STIL: variants seen among roughly 807,000 people sequenced by gnomAD.
STIL encodes the protein SCL-interrupting locus protein.
A neutral mutation model predicts 110.1 loss-of-function variants in STIL; 55 were observed. That is an observed-to-expected ratio of 0.50 (90% CI 0.40 to 0.63). STIL has a LOEUF of 0.63. Ranked by LOEUF, STIL falls within the 20% of genes least tolerant of loss-of-function variation. The pLI, the probability that STIL is intolerant of heterozygous loss-of-function variation, is 0.00. For missense variants in STIL, 1,358 were observed against 1,530.0 expected, an observed-to-expected ratio of 0.89 and a Z score of 1.87; for synonymous variants, 481 against 530.0, an observed-to-expected ratio of 0.91 and a Z score of 1.27.
intron 7 of STIL, among the ~76,000 whole-genome samples, chr1:47,295,153 C>A (rs1645606373): frequency 6.6e-6 from 1 of 152,138 alleles, no homozygotes. Flanking sequence ...GAACTCCTGA[C>A]CTCGAACTCC....
chr1:47,293,524 T>C lies in STIL; in HGVS notation c.806A>G (p.His269Arg). 1.2e-6 allele frequency: 2 copies of C among 1,613,092 alleles called. No homozygotes were observed. The highest frequency in any genetic ancestry group is 1.7e-6 in the Non-Finnish European group (2 of 1,179,378). The change falls in exon 8 of 17, where the codon CAT becomes CGT. Residue 269 changes from histidine to arginine, a missense_variant. By Grantham distance (29) the His-to-Arg change is conservative. Coordinates refer to ENST00000371877, the MANE Select transcript of STIL (RefSeq NM_001048166.1). ...LVGIWLSGIT[H>R]IYSPQVWACC... is the part of the protein sequence containing the mutation. ...AGCCCATACCTGAGGACTATAGATA[T>C]GTGTAATTCCAGACAGCCAACTAAA...
chr1:47,293,767 T>C (rs566897963), intron 7 of STIL, among the ~76,000 whole-genome samples: 2 of 152,170 alleles, frequency 1.3e-5, no homozygotes, highest in African/African-American at 4.8e-5. Flanking sequence ...CATATAGATA[T>C]ATATCGAGAG....
At chr1:47,266,253 T>G (rs1644651372) in intron 14 of STIL, among the ~76,000 whole-genome samples, 1 of 152,260 alleles carries the variant, frequency 6.6e-6, no homozygotes, top group Non-Finnish European at 1.5e-5. Context: ...ATGTTTATTG[T>G]CTTAACCATT....
chr1:47,254,529 GTTTTT>G (rs144518020), intron 16 of STIL, among the ~76,000 whole-genome samples: 4 of 149,064 alleles, frequency 2.7e-5, no homozygotes, highest in Non-Finnish European at 6.0e-5. Context: ...TCTAATTTGG[GTTTTT>G]TTTTTGTTTT....
At chr1:47,306,797 G>C (rs547084404) in intron 2 of STIL, among the ~76,000 whole-genome samples, 1 of 152,116 alleles carries the variant, frequency 6.6e-6, no homozygotes, top group South Asian at 2.1e-4. Flanking sequence ...AATCATATAG[G>C]GTACCATCAA....
At chr1:47,275,563 G>A (rs988489744) in intron 12 of STIL, among the ~76,000 whole-genome samples, 12 of 151,960 alleles carry the variant, frequency 7.9e-5, no homozygotes, top group South Asian at 2.1e-4. Context: ...AGCTGAGATC[G>A]CGCCACTGCA....
intron 1 of STIL, among the ~76,000 whole-genome samples, chr1:47,312,346 G>A (rs1646151572): frequency 1.3e-5 from 2 of 152,030 alleles, no homozygotes; most frequent in Admixed American, 6.5e-5. Flanking sequence ...AAAAATTAGT[G>A]GGGTGTGGTG....
intron 2 of STIL, among the ~76,000 whole-genome samples, chr1:47,305,919 G>A (rs1240600755): frequency 6.6e-6 from 1 of 150,472 alleles, no homozygotes; most frequent in Non-Finnish European, 1.5e-5. Context: ...CTTTAGTAGA[G>A]ACGGGGTTTC....
chr1:47,290,791 T>G lies in STIL; in HGVS notation c.873-1206A>C, dbSNP rs138991110. Among the ~76,000 whole-genome samples, 550 of 151,880 alleles carry G rather than the reference T, an allele frequency of 3.6e-3. 5 individuals carry two copies. Among genetic ancestry groups the G allele is most frequent in the African/African-American group, 0.012 (513 of 41,384 alleles). On this transcript the variant is annotated intron_variant, in intron 8 of 16. Transcript: ENST00000371877. ...AGTTCCTGGAAGATGAGGTTATAAA[T>G]CATTGGAAAAGTTTATTTTTCATCT...
chr1:47,297,645 A>G (rs1645680512), intron 6 of STIL, among the ~76,000 whole-genome samples: 1 of 152,028 alleles, frequency 6.6e-6, no homozygotes, highest in South Asian at 2.1e-4. Flanking sequence ...GGCTATTCAC[A>G]GGCACTATTG....
chr1:47,295,999 G>A lies in STIL; in HGVS notation c.702-151C>T, dbSNP rs1001997909. On this transcript the variant is annotated intron_variant, in intron 6 of 16. Transcript: ENST00000371877. The stretch of plus-strand genomic sequence containing the variant: ...ACAAAAGAAACAGAAACTTTTTACT[G>A]ACTCAGTAAAAAGACTCTGGTAAGA... The A allele has an allele frequency of 1.6e-5, 10 of 628,104 alleles. No individual in the cohort carries two copies. In the African/African-American group the frequency reaches 1.8e-4, roughly 12 times the overall value. The allele number at this position is 628,104 out of a possible 1,614,324, so 38.9% of individuals were successfully genotyped here.
intron 16 of STIL, among the ~76,000 whole-genome samples, chr1:47,257,138 T>C (rs1644352916): frequency 6.6e-6 from 1 of 152,110 alleles, no homozygotes. Flanking sequence ...CAAATGCCAA[T>C]GGCAAGTAGG....
intron 1 of STIL, 52 bp from the exon 2 acceptor site, chr1:47,310,414 A>G (rs541938622): frequency 1.7e-5 from 20 of 1,167,126 alleles, no homozygotes; most frequent in African/African-American, 1.4e-4. Context: ...AAAGAAGAAA[A>G]ATATGATTTA....
chr1:47,260,429 T>C lies in STIL; in HGVS notation c.2940A>G (p.Thr980=), dbSNP rs779266531. Residue 980 remains threonine (T), a synonymous_variant, in exon 16 of 17, where the codon ACA becomes ACG. Transcript: ENST00000371877. The part of the protein sequence containing the change: ...ECTRTQNVYH[T]KKKTHHSRLV... ...GTCTTGAATGATGTGTTTTTTTCTTTGTATGGTAAACGTTTTGGGTTCTGG... is the reference window on the plus strand; with the variant it reads ...GTCTTGAATGATGTGTTTTTTTCTTCGTATGGTAAACGTTTTGGGTTCTGG... 1.9e-5 allele frequency: 30 copies of C among 1,614,228 alleles called. No individual in the cohort carries two copies. The highest frequency in any genetic ancestry group is 2.4e-5 in the Non-Finnish European group (28 of 1,180,036).
chr1:47,286,046 T>C (rs1645289053), intron 10 of STIL, among the ~76,000 whole-genome samples: 1 of 151,834 alleles, frequency 6.6e-6, no homozygotes, highest in African/African-American at 2.4e-5. Context: ...GGCTAATTTT[T>C]GTATTTTTAG....
Position 47,250,139 on chromosome 1 carries a change from G to A in STIL, c.*997C>T. On this transcript the variant is annotated 3_prime_UTR_variant, in exon 17 of 17. Coordinates refer to ENST00000371877, the MANE Select transcript of STIL (RefSeq NM_001048166.1). The stretch of plus-strand genomic sequence containing the variant: ...GAATAAACTATAACAGACAACAAAG[G>A]AAAATAGTCAATCTAGACATTTTAT... 1 of 163,752 alleles carries A rather than the reference G, an allele frequency of 6.1e-6. No homozygotes were observed. Among genetic ancestry groups the A allele is most frequent in the East Asian group, 1.4e-4 (1 of 7,252 alleles). 10.1% of individuals were successfully genotyped at this position (163,752 alleles called of 1,614,324 possible). A position where few individuals can be genotyped will look rare whatever the true frequency, so the allele number is the denominator to read the frequency against.
intron 5 of STIL, among the ~76,000 whole-genome samples, chr1:47,301,200 C>T (rs1440166085): frequency 3.3e-5 from 5 of 152,102 alleles, no homozygotes; most frequent in Admixed American, 1.3e-4. Flanking sequence ...GCCTCAGCTT[C>T]CCGAAGTGTT....
Position 47,251,048 on chromosome 1 carries a change from T to A in STIL, c.*88A>T, listed in dbSNP as rs1644168145. 14 of 1,303,144 alleles carry A rather than the reference T, an allele frequency of 1.1e-5. No homozygotes were observed. The highest frequency in any genetic ancestry group is 1.5e-5 in the Non-Finnish European group (14 of 938,442). 80.7% of individuals were successfully genotyped at this position (1,303,144 alleles called of 1,614,324 possible). On this transcript the variant is annotated 3_prime_UTR_variant, in exon 17 of 17. Transcript: ENST00000371877. The stretch of plus-strand genomic sequence containing the variant: ...CCAAGAAACAGTGACTCCAGAATGA[T>A]CAGGAGCCTTGTGGTAGGCTCCTGT...
chr1:47,276,805 C>T (rs1418030023), intron 12 of STIL, among the ~76,000 whole-genome samples: 1 of 69,762 alleles, frequency 1.4e-5, no homozygotes, highest in Non-Finnish European at 2.5e-5. Flanking sequence ...AAGAGTAAAA[C>T]TCTGCCTAAA....
Sources: allele counts gnomAD v4.1 joint callset (sites outside exome capture counted in the v4.1 genomes callset), GRCh38; gene constraint gnomAD v4.1.1; transcripts MANE v1.5; gene names NCBI Gene and HGNC (gene_info 2026-07-23, HGNC 2026-07-21).